The following VPS13B variants were observed in gnomAD, a reference collection of about 807,000 sequenced individuals.
The protein encoded by VPS13B is vacuolar protein sorting 13 homolog B, also known as intermembrane lipid transfer protein VPS13B.
In VPS13B, 285 loss-of-function variants were observed where a neutral mutation model predicts 426.4. The observed-to-expected ratio is 0.67, with a 90% CI of 0.61 to 0.74. The LOEUF is 0.74. Ranked by LOEUF, VPS13B falls within the 30% of genes least tolerant of loss-of-function variation. The pLI is 0.00. For synonymous variants in VPS13B, 1,676 were observed against 1,676.4 expected (o/e 1.00, Z 0.01); for missense variants, 4,537 against 4,782.6 (o/e 0.95, Z 1.51).
chr8:99,854,356 C>A, intron 56 of VPS13B, 100 bp downstream of exon 56: 2 of 1,281,824 alleles, frequency 1.6e-6, no homozygotes, highest in Non-Finnish European at 2.2e-6. Flanking sequence ...AAGCAATTGG[C>A]AAGAGGTGAC....
At chr8:99,523,908 A>G (rs1043076049) in intron 30 of VPS13B, among the ~76,000 whole-genome samples, 7 of 152,182 alleles carry the variant, frequency 4.6e-5, no homozygotes, top group African/African-American at 1.4e-4. Context: ...GGCACCAGGG[A>G]CCAATCCTGG....
chr8:99,250,168 C>A (rs1329865815), intron 17 of VPS13B, among the ~76,000 whole-genome samples: 1 of 152,074 alleles, frequency 6.6e-6, no homozygotes, highest in Non-Finnish European at 1.5e-5. Flanking sequence ...ATCAGTGTAT[C>A]CCCTCAGTGA....
chr8:99,398,398 A>G (rs1387780580), intron 21 of VPS13B, among the ~76,000 whole-genome samples: 1 of 152,234 alleles, frequency 6.6e-6, no homozygotes, highest in East Asian at 1.9e-4. Context: ...AAGGTGCATG[A>G]CATGCTGTAG....
At position 99,044,008 on chromosome 8, in the gene VPS13B, C is replaced by G. The variant is rs555209619; in HGVS notation, c.291+5442C>G. Among the ~76,000 whole-genome samples, 4 of 151,606 alleles carry G rather than the reference C, an allele frequency of 2.6e-5. No individual in the cohort carries two copies. The East Asian group carries it at 7.7e-4, about 29-fold the overall frequency. On this transcript the variant is annotated intron_variant, in intron 3 of 61. Coordinates refer to ENST00000357162, the MANE Select transcript of VPS13B (RefSeq NM_152564.5). Reference sequence around the variant, plus strand: ...TGCTACATTTTGGGGAAATACTTTCCTGCAACCATGTTTCCCTCTCTAGCT... The same window carrying G: ...TGCTACATTTTGGGGAAATACTTTCGTGCAACCATGTTTCCCTCTCTAGCT...
intron 33 of VPS13B, among the ~76,000 whole-genome samples, chr8:99,581,134 G>A (rs1484225011): frequency 6.6e-6 from 1 of 150,524 alleles, no homozygotes; most frequent in Non-Finnish European, 1.5e-5. Flanking sequence ...AGTGAGCCAA[G>A]ATCACACCAT....
chr8:99,429,470 A>T (rs181084722), intron 21 of VPS13B: 1 of 151,944 alleles, frequency 6.6e-6, no homozygotes, highest in Non-Finnish European at 1.5e-5. Flanking sequence ...TCGTTTATCT[A>T]TTTGCCACCT....
At chr8:99,275,599 CAT>C (rs1441451219) in intron 19 of VPS13B, among the ~76,000 whole-genome samples, 1 of 152,002 alleles carries the variant, frequency 6.6e-6, no homozygotes, top group Non-Finnish European at 1.5e-5. Context: ...CCAAGTTTGT[CAT>C]GTGTAAATTG....
chr8:99,784,282 TC>T (rs1427874378), intron 42 of VPS13B, 32 bp from the exon 43 acceptor site: 1 of 1,613,374 alleles, frequency 6.2e-7, no homozygotes, highest in South Asian at 1.1e-5. Context: ...ATTAATCCGA[TC>T]CATGTTGGCT....
chr8:99,411,260 G>A (rs1038231429), intron 21 of VPS13B, among the ~76,000 whole-genome samples: 8 of 152,090 alleles, frequency 5.3e-5, no homozygotes, highest in South Asian at 2.1e-4. Context: ...CATTCTAACC[G>A]GCATGAGATG....
At chr8:99,523,511 G>A (rs1370237462) in intron 30 of VPS13B, among the ~76,000 whole-genome samples, 1 of 152,208 alleles carries the variant, frequency 6.6e-6, no homozygotes, top group African/African-American at 2.4e-5. Flanking sequence ...CCCTTCCACA[G>A]CTCCAGACAG....
At chr8:99,547,326 TC>T (rs80251278) in intron 30 of VPS13B, among the ~76,000 whole-genome samples, 17,797 of 152,010 alleles carry the variant, frequency 0.12, 1,756 homozygotes, top group East Asian at 0.38. Context: ...AATTATTATA[TC>T]CCCTGTCCTA....
At chr8:99,115,666 C>T (rs755293996) in intron 6 of VPS13B, 34 bp from the exon 7 acceptor site, 27 of 1,600,104 alleles carry the variant, frequency 1.7e-5, no homozygotes, top group South Asian at 1.6e-4. Flanking sequence ...TTTAAACATG[C>T]GTTTGTTGGT....
At chr8:99,845,463 C>T (rs764791129) in intron 54 of VPS13B, among the ~76,000 whole-genome samples, 29 of 152,222 alleles carry the variant, frequency 1.9e-4, no homozygotes, top group Non-Finnish European at 4.1e-4. Flanking sequence ...CGTGCATCTG[C>T]ATTCACCTAG....
At position 99,442,396 on chromosome 8, in the gene VPS13B, T is replaced by C. The variant is rs1035724478; in HGVS notation, c.3211-5T>C. ...GAATATTTTAATTCTGCTTTTCTTT[T>C]CTAGCTTGAAGTACAATCTTGTTGT... On this transcript the variant is annotated splice_polypyrimidine_tract_variant and splice_region_variant and intron_variant, in intron 22 of 61. Transcript: ENST00000357162. 1 of 1,612,074 alleles carries C rather than the reference T, an allele frequency of 6.2e-7. No homozygotes were observed. The highest frequency in any genetic ancestry group is 8.5e-7 in the Non-Finnish European group (1 of 1,178,312).
At chr8:99,308,571 G>A (rs1402761567) in intron 19 of VPS13B, among the ~76,000 whole-genome samples, 1 of 152,062 alleles carries the variant, frequency 6.6e-6, no homozygotes, top group Non-Finnish European at 1.5e-5. Flanking sequence ...TCTTAATCCA[G>A]TCTATCATTG....
chr8:99,639,678 GT>G (rs896066732), intron 33 of VPS13B, among the ~76,000 whole-genome samples: 315 of 147,022 alleles, frequency 2.1e-3, no homozygotes, highest in African/African-American at 6.6e-3. Flanking sequence ...ATAAAAATAT[GT>G]TTTTTTTTAC....
chr8:99,515,591 T>C (rs1822024956), intron 29 of VPS13B, among the ~76,000 whole-genome samples: 1 of 152,160 alleles, frequency 6.6e-6, no homozygotes, highest in Non-Finnish European at 1.5e-5. Flanking sequence ...GAAAACATAA[T>C]TTCTTTTGTT....
intron 4 of VPS13B, 44 bp downstream of exon 4, chr8:99,096,476 C>T (rs1360744493): frequency 6.2e-7 from 1 of 1,610,238 alleles, no homozygotes. Flanking sequence ...CAATTTTTGG[C>T]CGGGCATGGT....
chr8:99,391,320 A>G (rs1439797430), intron 20 of VPS13B, among the ~76,000 whole-genome samples: 3 of 151,666 alleles, frequency 2.0e-5, no homozygotes, highest in Non-Finnish European at 4.4e-5. Flanking sequence ...TAAGTGGATA[A>G]GCATTGCTCT....
Sources: gnomAD v4.1 joint callset for allele counts (sites outside exome capture counted in the v4.1 genomes callset) on GRCh38, gnomAD v4.1.1 for gene constraint, MANE v1.5 for transcripts, NCBI Gene and HGNC (gene_info 2026-07-23, HGNC 2026-07-21) for gene names.